KITLG: variants seen among roughly 807,000 people sequenced by gnomAD.
KITLG encodes the protein c-Kit ligand.
Under a neutral mutation model 34.1 loss-of-function variants are expected in KITLG, and 13 were observed. That is an observed-to-expected ratio of 0.38 (90% CI 0.25 to 0.61). The LOEUF is 0.61. Among genes scored for constraint, KITLG ranks in the 20% least tolerant of loss-of-function variants. The pLI, the probability that KITLG is intolerant of heterozygous loss-of-function variation, is 0.60. For synonymous variants in KITLG, 110 were observed against 104.0 expected (o/e 1.06, Z -0.35); for missense variants, 292 against 318.9 (o/e 0.92, Z 0.64).
intron 1 of KITLG, among the ~76,000 whole-genome samples, chr12:88,576,192 C>T (rs1451136165): frequency 6.6e-6 from 1 of 152,116 alleles, no homozygotes. Flanking sequence ...TTATCTCATT[C>T]ATTTGTACTT....
chr12:88,579,726 C>T (rs1255873370), intron 1 of KITLG, among the ~76,000 whole-genome samples: 1 of 152,076 alleles, frequency 6.6e-6, no homozygotes, highest in African/African-American at 2.4e-5. Flanking sequence ...AGGTTCCCGC[C>T]CCGCCGAGAG....
intron 2 of KITLG, among the ~76,000 whole-genome samples, chr12:88,541,826 A>AT (rs1052214123): frequency 5.3e-5 from 8 of 152,142 alleles, no homozygotes; most frequent in African/African-American, 1.9e-4. Flanking sequence ...TAAAAAAAAA[A>AT]TTTGACATTA....
In KITLG at chr12:88,515,563, G is replaced by A. The variant is rs773557347; in HGVS notation, c.575C>T (p.Ser192Phe). 2 of 1,610,862 alleles carry A rather than the reference G, an allele frequency of 1.2e-6. No individual in the cohort carries two copies. The highest frequency in any genetic ancestry group is 3.3e-4 in the Middle Eastern group (2 of 6,048). ...PFMLPPVAAS[S>F]LRNDSSSSNR... ...ACTGCTACTGCTGTCATTCCTAAGG[G>A]AGCTGGCTGCAACAGGGGGTAACAT... is the stretch of plus-strand genomic sequence containing the variant. Residue 192 changes from serine (S) to phenylalanine (F), a missense_variant, in exon 6 of 10, where the codon TCC becomes TTC. By Grantham distance (155) the Ser-to-Phe change is radical. This residue lies in a region of KITLG where 140 missense variants were observed against 111.0 expected (regional missense o/e 1.26). Transcript: ENST00000644744.
chr12:88,578,117 G>A (rs553419710), intron 1 of KITLG, among the ~76,000 whole-genome samples: 1 of 152,250 alleles, frequency 6.6e-6, no homozygotes, highest in African/African-American at 2.4e-5. Flanking sequence ...CACAGAAAAT[G>A]TCTTTGTAAT....
At chr12:88,559,180 A>G (rs1408859275) in intron 1 of KITLG, among the ~76,000 whole-genome samples, 1 of 152,242 alleles carries the variant, frequency 6.6e-6, no homozygotes, top group Non-Finnish European at 1.5e-5. Flanking sequence ...CCTCTAAACT[A>G]TCATGGCTGG....
chr12:88,527,081 G>T (rs1869900327), intron 3 of KITLG, among the ~76,000 whole-genome samples: 1 of 151,914 alleles, frequency 6.6e-6, no homozygotes, highest in Non-Finnish European at 1.5e-5. Flanking sequence ...TGTTAACCAG[G>T]ATGGTCTCGA....
intron 6 of KITLG, among the ~76,000 whole-genome samples, chr12:88,510,161 C>G (rs1376709760): frequency 1.3e-5 from 2 of 152,154 alleles, no homozygotes; most frequent in Non-Finnish European, 2.9e-5. Context: ...ATACAGAACA[C>G]AAAGAATTGT....
chr12:88,576,209 A>G lies in KITLG; in HGVS notation c.15+4055T>C, dbSNP rs150163967. Reference sequence around the variant, plus strand: ...ATCTCATTCATTTGTACTTTAAAAGAAAAACCTTCAAAAACGTAGCACCTC... The same window carrying G: ...ATCTCATTCATTTGTACTTTAAAAGGAAAACCTTCAAAAACGTAGCACCTC... On this transcript the variant is annotated intron_variant, in intron 1 of 9. Transcript: ENST00000644744. Among the ~76,000 whole-genome samples, 154 of 152,320 alleles carry G rather than the reference A, an allele frequency of 1.0e-3. 1 individual carries two copies. Among genetic ancestry groups the G allele is most frequent in the African/African-American group, 3.6e-3 (151 of 41,580 alleles).
Position 88,497,111 on chromosome 12 carries a change from G to A in KITLG, c.*108C>T, listed in dbSNP as rs768903692. On this transcript the variant is annotated 3_prime_UTR_variant, in exon 10 of 10. Transcript: ENST00000644744. Reference sequence around the variant, plus strand: ...GCAAGAACAGATAAAGATGTGGTCTGTCACTCCAGACAGAATATGAATTTG... The same window carrying A: ...GCAAGAACAGATAAAGATGTGGTCTATCACTCCAGACAGAATATGAATTTG... The A allele has an allele frequency of 3.4e-5, 15 of 444,376 alleles. No individual in the cohort carries two copies. The highest frequency in any genetic ancestry group is 2.6e-4 in the African/African-American group (13 of 49,534). The allele number at this position is 444,376 out of a possible 1,614,324, so 27.5% of individuals were successfully genotyped here.
At chr12:88,558,377 T>C (rs1871171841) in intron 1 of KITLG, among the ~76,000 whole-genome samples, 1 of 152,304 alleles carries the variant, frequency 6.6e-6, no homozygotes, top group Non-Finnish European at 1.5e-5. Context: ...ACTAAATCTT[T>C]ATACTCTACT....
intron 3 of KITLG, 136 bp downstream of exon 3, chr12:88,532,305 A>C: frequency 1.4e-6 from 1 of 723,648 alleles, no homozygotes; most frequent in Admixed American, 2.6e-5. Context: ...CCTGCAAGTC[A>C]AATTCCAAAG....
chr12:88,573,680 C>T (rs901408389), intron 1 of KITLG, among the ~76,000 whole-genome samples: 1 of 152,186 alleles, frequency 6.6e-6, no homozygotes, highest in African/African-American at 2.4e-5. Context: ...TATGGGCATA[C>T]AAGACAAACA....
chr12:88,522,719 C>T (rs777543703), intron 3 of KITLG, among the ~76,000 whole-genome samples: 59 of 152,204 alleles, frequency 3.9e-4, no homozygotes, highest in South Asian at 2.1e-4. Context: ...TGAGCCACCG[C>T]GCCCACCCCA....
At chr12:88,569,643 G>C (rs1871574178) in intron 1 of KITLG, among the ~76,000 whole-genome samples, 2 of 152,012 alleles carry the variant, frequency 1.3e-5, no homozygotes, top group South Asian at 4.2e-4. Flanking sequence ...TGGCAGATGG[G>C]GAAATTGAGG....
At chr12:88,503,566 G>C (rs1022210951) in intron 9 of KITLG, among the ~76,000 whole-genome samples, 1 of 152,334 alleles carries the variant, frequency 6.6e-6, no homozygotes, top group Non-Finnish European at 1.5e-5. Flanking sequence ...ATTAGCAGAA[G>C]CAAAAGTGAG....
At chr12:88,519,118 T>C (rs1869565219) in intron 3 of KITLG, among the ~76,000 whole-genome samples, 1 of 152,088 alleles carries the variant, frequency 6.6e-6, no homozygotes, top group Admixed American at 6.6e-5. Flanking sequence ...CGTCTCAGCT[T>C]CCCAATGTGC....
At chr12:88,579,844 G>C (rs1337839611) in intron 1 of KITLG, among the ~76,000 whole-genome samples, 3 of 152,226 alleles carry the variant, frequency 2.0e-5, no homozygotes, top group Non-Finnish European at 4.4e-5. Flanking sequence ...AAATCTGAGT[G>C]AGAGAGCTAG....
At chr12:88,512,408 C>G (rs553642354) in intron 6 of KITLG, among the ~76,000 whole-genome samples, 10 of 152,002 alleles carry the variant, frequency 6.6e-5, no homozygotes, top group Non-Finnish European at 1.5e-4. Flanking sequence ...CTATGACACA[C>G]TAGCAATCTG....
At chr12:88,566,709 C>T (rs886601059) in intron 1 of KITLG, among the ~76,000 whole-genome samples, 3 of 152,098 alleles carry the variant, frequency 2.0e-5, no homozygotes, top group Admixed American at 6.5e-5. Context: ...CACAGAGGAC[C>T]TTGTATAGTG....
Sources: allele counts gnomAD v4.1 joint callset (sites outside exome capture counted in the v4.1 genomes callset), GRCh38; gene constraint gnomAD v4.1.1; regional missense constraint gnomAD v4.1.1; transcripts MANE v1.5; gene names NCBI Gene and HGNC (gene_info 2026-07-23, HGNC 2026-07-21).